MAEA: variants seen among roughly 807,000 people sequenced by gnomAD.
MAEA encodes macrophage erythroblast attacher, E3 ubiquitin ligase, also known as E3 ubiquitin-protein transferase MAEA.
MAEA carries 22 observed loss-of-function variants against 46.2 expected under a neutral mutation model. That is an observed-to-expected ratio of 0.48 (90% CI 0.34 to 0.68). The LOEUF (loss-of-function observed/expected upper bound fraction) is 0.68. Among genes scored for constraint, MAEA ranks in the 30% least tolerant of loss-of-function variants. The pLI is 0.01. For missense variants in MAEA, 393 were observed against 558.1 expected, an observed-to-expected ratio of 0.70 and a Z score of 2.98; for synonymous variants, 246 against 222.6, an observed-to-expected ratio of 1.11 and a Z score of -0.94.
intron 1 of MAEA, among the ~76,000 whole-genome samples, chr4:1,290,954 T>C (rs1734048512): frequency 6.6e-6 from 1 of 152,194 alleles, no homozygotes; most frequent in South Asian, 2.1e-4. Context: ...GGTTGGTGAC[T>C]GTTTATTCTT....
intron 1 of MAEA, among the ~76,000 whole-genome samples, chr4:1,295,659 G>A (rs113718520): frequency 0.21 from 14,539 of 69,168 alleles, 2,039 homozygotes; most frequent in East Asian, 0.49. Context: ...CCCCTCACCC[G>A]CTCCTGTACC....
chr4:1,309,980 C>T (rs569470854), intron 1 of MAEA: 29 of 1,240,628 alleles, frequency 2.3e-5, no homozygotes, highest in African/African-American at 1.1e-4. Context: ...TTTCTGGTGG[C>T]GGTCTGGAAT....
chr4:1,325,696 T>C (rs987386624), intron 4 of MAEA, among the ~76,000 whole-genome samples: 11 of 151,542 alleles, frequency 7.3e-5, no homozygotes, highest in African/African-American at 2.7e-4. Context: ...GGGGAGCCTC[T>C]ATCTCTTCCC....
intron 4 of MAEA, among the ~76,000 whole-genome samples, chr4:1,324,931 T>C (rs998837123): frequency 6.8e-6 from 1 of 147,276 alleles, no homozygotes; most frequent in Non-Finnish European, 1.5e-5. Context: ...TGAGTTGAGA[T>C]TGGATGAGCG....
intron 1 of MAEA, among the ~76,000 whole-genome samples, chr4:1,299,353 C>T (rs945189736): frequency 6.6e-5 from 10 of 152,222 alleles, no homozygotes; most frequent in African/African-American, 2.4e-4. Flanking sequence ...CCGTCTGCCC[C>T]TCCACCCTGG....
intron 1 of MAEA, among the ~76,000 whole-genome samples, chr4:1,308,842 A>AT (rs1182984366): frequency 1.3e-5 from 2 of 151,986 alleles, no homozygotes; most frequent in Non-Finnish European, 1.5e-5. Context: ...GGTTGCAGCT[A>AT]TTTTTTCCCA....
chr4:1,302,633 C>T (rs745401510), intron 1 of MAEA, among the ~76,000 whole-genome samples: 2 of 152,190 alleles, frequency 1.3e-5, no homozygotes, highest in Non-Finnish European at 2.9e-5. Context: ...GCACCTGCCA[C>T]CATGCCCGGC....
intron 1 of MAEA, among the ~76,000 whole-genome samples, chr4:1,292,706 G>A (rs1344432284): frequency 6.6e-6 from 1 of 152,120 alleles, no homozygotes; most frequent in African/African-American, 2.4e-5. Flanking sequence ...TTGCTGGGCT[G>A]GATCCTGCTT....
At chr4:1,327,496 C>G (rs1339214475) in intron 4 of MAEA, 131 bp from the exon 5 acceptor site, 1 of 740,170 alleles carries the variant, frequency 1.4e-6, no homozygotes, top group Admixed American at 1.9e-5. Flanking sequence ...GCCCTGCCTT[C>G]CCCGTGCCTG....
intron 3 of MAEA, among the ~76,000 whole-genome samples, chr4:1,319,202 A>C (rs2108942749): frequency 6.6e-6 from 1 of 151,980 alleles, no homozygotes; most frequent in South Asian, 2.1e-4. Context: ...TTTTTTTTCA[A>C]ATTAGCTGGG....
chr4:1,308,065 G>A (rs1736004998), intron 1 of MAEA, among the ~76,000 whole-genome samples: 1 of 151,558 alleles, frequency 6.6e-6, no homozygotes, highest in African/African-American at 2.4e-5. Context: ...GCGACTTTGC[G>A]GTGTGAACAT....
intron 2 of MAEA, 44 bp downstream of exon 2, chr4:1,312,205 A>G (rs1560348338): frequency 1.2e-6 from 2 of 1,607,866 alleles, no homozygotes; most frequent in Middle Eastern, 1.7e-4. Flanking sequence ...GGGCATGGAC[A>G]CCCCTTTTGT....
At position 1,294,756 on chromosome 4, in the gene MAEA, C is replaced by T. The variant is rs549607266; in HGVS notation, c.69+4774C>T. On this transcript the variant is annotated intron_variant, in intron 1 of 8. Transcript: ENST00000303400. ...ACAGACATCTCAGATCCTTTAAAGA[C>T]GCTGATGAGGTTGAGGTGATGTTGG... 3.0e-5 allele frequency among the ~76,000 whole-genome samples: 4 copies of T among 134,578 alleles called. No homozygotes were observed. In the East Asian group the frequency reaches 9.9e-4, roughly 33 times the overall value. The allele number at this position is 134,578 out of a possible 152,430, so 88.3% of individuals were successfully genotyped here. A position where few individuals can be genotyped will look rare whatever the true frequency, so the allele number is the denominator to read the frequency against.
chr4:1,327,554 GC>G, intron 4 of MAEA, 72 bp from the exon 5 acceptor site: 1 of 995,238 alleles, frequency 1.0e-6, no homozygotes, highest in Non-Finnish European at 1.6e-6. Context: ...TGGTGGACAT[GC>G]GGGTGCGGCA....
chr4:1,316,322 A>G (rs1737162858), intron 3 of MAEA, among the ~76,000 whole-genome samples: 2 of 126,378 alleles, frequency 1.6e-5, no homozygotes, highest in African/African-American at 6.4e-5. Context: ...GCAGTTGTCC[A>G]CTGCTGTGGG....
At chr4:1,312,845 T>C (rs1391070433) in intron 2 of MAEA, among the ~76,000 whole-genome samples, 1 of 151,920 alleles carries the variant, frequency 6.6e-6, no homozygotes, top group Non-Finnish European at 1.5e-5. Context: ...ACCCAGAAAG[T>C]GGGATGAGAT....
intron 1 of MAEA, among the ~76,000 whole-genome samples, chr4:1,310,159 G>C (rs1029127002): frequency 1.3e-5 from 2 of 150,550 alleles, no homozygotes; most frequent in African/African-American, 5.0e-5. Flanking sequence ...ATTCCACCTC[G>C]TGGCAGGACA....
At chr4:1,295,057 G>A (rs1035101406) in intron 1 of MAEA, among the ~76,000 whole-genome samples, 3 of 152,136 alleles carry the variant, frequency 2.0e-5, no homozygotes, top group Non-Finnish European at 4.4e-5. Flanking sequence ...GACTCGGTCT[G>A]TGGGTACAGG....
intron 3 of MAEA, among the ~76,000 whole-genome samples, chr4:1,318,181 G>A (rs916673397): frequency 2.6e-5 from 4 of 152,206 alleles, no homozygotes; most frequent in Non-Finnish European, 4.4e-5. Flanking sequence ...GGCCCCCCGT[G>A]TGTTCATAGA....
Sources: allele counts gnomAD v4.1 joint callset (sites outside exome capture counted in the v4.1 genomes callset), GRCh38; gene constraint gnomAD v4.1.1; transcripts MANE v1.5; gene names NCBI Gene and HGNC (gene_info 2026-07-23, HGNC 2026-07-21).